COL23A1: variants seen among roughly 807,000 people sequenced by gnomAD.
The protein encoded by COL23A1 is collagen alpha-1(XXIII) chain.
In COL23A1, 97 loss-of-function variants were observed where a neutral mutation model predicts 99.3. The observed-to-expected ratio is 0.98, with a 90% CI of 0.83 to 1.16. The LOEUF (loss-of-function observed/expected upper bound fraction) is 1.16, where lower values mean the gene tolerates loss of function less well. COL23A1 is among the 50% of genes most tolerant of loss of function. The pLI is 0.00. For missense variants in COL23A1, 762 were observed against 757.4 expected (o/e 1.01, Z -0.07); for synonymous variants, 320 against 308.2 (o/e 1.04, Z -0.40).
At chr5:178,451,656 C>CAAAAAA in intron 2 of COL23A1, among the ~76,000 whole-genome samples, 1 of 105,544 alleles carries the variant, frequency 9.5e-6, no homozygotes, top group Admixed American at 1.1e-4. Context: ...AACTCCATCT[C>CAAAAAA]AAAAAAAAAA....
At chr5:178,584,115 A>T (rs1763797753) in intron 1 of COL23A1, among the ~76,000 whole-genome samples, 1 of 152,172 alleles carries the variant, frequency 6.6e-6, no homozygotes, top group African/African-American at 2.4e-5. Flanking sequence ...TGCCGGATTC[A>T]AGTGATTCTC....
intron 2 of COL23A1, among the ~76,000 whole-genome samples, chr5:178,517,895 TTTTTTTTA>T (rs1759638874): frequency 7.6e-6 from 1 of 131,506 alleles, no homozygotes; most frequent in Non-Finnish European, 1.7e-5. Context: ...TTTTTTTTTT[TTTTTTTTA>T]ATTTATTTTT....
At chr5:178,331,388 C>T (rs1284792630) in intron 2 of COL23A1, among the ~76,000 whole-genome samples, 1 of 152,222 alleles carries the variant, frequency 6.6e-6, no homozygotes, top group Non-Finnish European at 1.5e-5. Context: ...TGCTGCATGG[C>T]CCTGGGCAAG....
At chr5:178,528,755 C>A (rs915978853) in intron 2 of COL23A1, among the ~76,000 whole-genome samples, 1 of 152,196 alleles carries the variant, frequency 6.6e-6, no homozygotes, top group Non-Finnish European at 1.5e-5. Context: ...GGTTCCGACG[C>A]GCTGAGATCG....
chr5:178,487,433 C>G lies in COL23A1; in HGVS notation c.361+73249G>C, dbSNP rs1757698258. 6.6e-5 allele frequency among the ~76,000 whole-genome samples: 10 copies of G among 152,092 alleles called. No individual in the cohort carries two copies. In the South Asian group the frequency reaches 2.1e-3, roughly 32 times the overall value. On this transcript the variant is annotated intron_variant, in intron 2 of 28. Coordinates refer to ENST00000390654, the MANE Select transcript of COL23A1 (RefSeq NM_173465.4). ...CTCTTGGGTTCAAGCGATTCTCCTG[C>G]CTCAGCCTCCTGAGTAGCTGAGATT... is the stretch of plus-strand genomic sequence containing the variant.
At chr5:178,282,109 C>A (rs1204274018) in intron 5 of COL23A1, among the ~76,000 whole-genome samples, 1 of 150,768 alleles carries the variant, frequency 6.6e-6, no homozygotes, top group Non-Finnish European at 1.5e-5. Context: ...GCATGCCCTG[C>A]TCCGTTCAGC....
At chr5:178,455,910 A>G (rs1482874237) in intron 2 of COL23A1, among the ~76,000 whole-genome samples, 1 of 152,228 alleles carries the variant, frequency 6.6e-6, no homozygotes, top group African/African-American at 2.4e-5. Flanking sequence ...TCTCAGGTGT[A>G]TTTCGAAGAA....
At chr5:178,391,757 C>T (rs1017566211) in intron 2 of COL23A1, among the ~76,000 whole-genome samples, 50 of 152,290 alleles carry the variant, frequency 3.3e-4, no homozygotes, top group African/African-American at 1.1e-3. Flanking sequence ...AACATCTGTC[C>T]ATACAAACAC....
At chr5:178,383,714 C>T (rs1366026681) in intron 2 of COL23A1, among the ~76,000 whole-genome samples, 1 of 151,696 alleles carries the variant, frequency 6.6e-6, no homozygotes, top group African/African-American at 2.4e-5. Flanking sequence ...CAATCACAGT[C>T]CTTCAGTGTT....
chr5:178,371,451 C>T (rs867859457), intron 2 of COL23A1, among the ~76,000 whole-genome samples: 2 of 152,154 alleles, frequency 1.3e-5, no homozygotes, highest in South Asian at 2.1e-4. Flanking sequence ...GCCTCGCGGG[C>T]TTGGTTCCAG....
At chr5:178,271,802 A>AGT (rs1388020298) in intron 5 of COL23A1, among the ~76,000 whole-genome samples, 2 of 152,174 alleles carry the variant, frequency 1.3e-5, no homozygotes, top group Non-Finnish European at 2.9e-5. Context: ...GGACCTAACA[A>AGT]GTGTGTGTGT....
chr5:178,257,448 T>A, intron 13 of COL23A1, 75 bp downstream of exon 13: 1 of 1,508,010 alleles, frequency 6.6e-7, no homozygotes. Flanking sequence ...AGGTCCAGGG[T>A]AGGGACTTCA....
At chr5:178,327,504 A>C (rs1056067236) in intron 2 of COL23A1, among the ~76,000 whole-genome samples, 1 of 152,166 alleles carries the variant, frequency 6.6e-6, no homozygotes, top group African/African-American at 2.4e-5. Flanking sequence ...CTTATCTGCC[A>C]GGAATGGTCT....
At position 178,356,693 on chromosome 5, in the gene COL23A1, G is replaced by A. The variant is rs1183737906; in HGVS notation, c.362-49774C>T. On this transcript the variant is annotated intron_variant, in intron 2 of 28. Coordinates refer to ENST00000390654, the MANE Select transcript of COL23A1 (RefSeq NM_173465.4). The stretch of plus-strand genomic sequence containing the variant: ...CATTAAAGTAGCCATTGCCGCCGGA[G>A]CAGAGCCGGCTTGGCTGCCTGAGGA... Among the ~76,000 whole-genome samples the A allele has an allele frequency of 2.0e-5, 3 of 152,222 alleles. No homozygotes were observed. In the East Asian group the frequency reaches 5.8e-4, roughly 29 times the overall value.
intron 2 of COL23A1, among the ~76,000 whole-genome samples, chr5:178,325,330 G>A (rs114564429): frequency 9.5e-5 from 7 of 73,366 alleles, no homozygotes; most frequent in South Asian, 3.9e-4. Context: ...TTGGGACAGC[G>A]CTCCCTGGCC....
At chr5:178,537,265 C>T (rs1038207782) in intron 2 of COL23A1, among the ~76,000 whole-genome samples, 50 of 152,208 alleles carry the variant, frequency 3.3e-4, no homozygotes, top group Admixed American at 3.1e-3. Context: ...CTGCGAGGCC[C>T]CCTCCCTGCC....
chr5:178,374,039 T>C (rs1762937734), intron 2 of COL23A1, among the ~76,000 whole-genome samples: 1 of 152,148 alleles, frequency 6.6e-6, no homozygotes. Flanking sequence ...TTCTCACAGG[T>C]CATATGCACC....
chr5:178,262,140 T>G, intron 10 of COL23A1, 77 bp downstream of exon 10: 3 of 1,433,492 alleles, frequency 2.1e-6, no homozygotes, highest in Non-Finnish European at 2.9e-6. Context: ...GCTGTCGGCG[T>G]GTGTGGGAAA....
chr5:178,549,815 C>CAA (rs59089615), intron 2 of COL23A1, among the ~76,000 whole-genome samples: 1 of 151,784 alleles, frequency 6.6e-6, no homozygotes, highest in African/African-American at 2.4e-5. Flanking sequence ...AATCCTGTCT[C>CAA]AAAAAACAAA....
Sources: gnomAD v4.1 joint callset for allele counts (sites outside exome capture counted in the v4.1 genomes callset) on GRCh38, gnomAD v4.1.1 for gene constraint, MANE v1.5 for transcripts, NCBI Gene and HGNC (gene_info 2026-07-23, HGNC 2026-07-21) for gene names.